SLC8A3: variants seen among roughly 807,000 people sequenced by gnomAD.
The protein encoded by SLC8A3 is solute carrier family 8 member A3.
A neutral mutation model predicts 65.4 loss-of-function variants in SLC8A3; 37 were observed. The observed-to-expected ratio is 0.57, with a 90% CI of 0.44 to 0.74. SLC8A3 has a LOEUF of 0.74. Among genes scored for constraint, SLC8A3 ranks in the 30% least tolerant of loss-of-function variants. The pLI is 0.00. For missense variants in SLC8A3, 1,112 were observed against 1,172.1 expected (o/e 0.95, Z 0.75); for synonymous variants, 461 against 444.5 (o/e 1.04, Z -0.47).
At chr14:70,127,638 C>T (rs1343264881) in intron 2 of SLC8A3, among the ~76,000 whole-genome samples, 1 of 152,128 alleles carries the variant, frequency 6.6e-6, no homozygotes, top group Non-Finnish European at 1.5e-5. Flanking sequence ...TGGATAGTAG[C>T]TGGTTTGTTG....
intron 1 of SLC8A3, among the ~76,000 whole-genome samples, chr14:70,179,627 T>G (rs8021780): frequency 0.66 from 100,006 of 152,008 alleles, 33,532 homozygotes; most frequent in South Asian, 0.72. Flanking sequence ...ACATAGTGTT[T>G]GGACAGAAGT....
At chr14:70,083,937 C>T (rs978431988) in intron 2 of SLC8A3, among the ~76,000 whole-genome samples, 1 of 152,166 alleles carries the variant, frequency 6.6e-6, no homozygotes, top group African/African-American at 2.4e-5. Context: ...AAGGGTATTA[C>T]AACACAGAAG....
At chr14:70,173,783 C>T (rs553919926) in intron 1 of SLC8A3, among the ~76,000 whole-genome samples, 106 of 152,240 alleles carry the variant, frequency 7.0e-4, no homozygotes, top group Admixed American at 5.1e-3. Flanking sequence ...CCTCTGCCTC[C>T]GGTGGGTGGA....
chr14:70,057,659 A>G (rs919683292), intron 3 of SLC8A3, among the ~76,000 whole-genome samples: 4 of 152,188 alleles, frequency 2.6e-5, no homozygotes, highest in Non-Finnish European at 5.9e-5. Flanking sequence ...TGACTGACAC[A>G]ATACCTCGAG....
chr14:70,063,961 G>A, intron 2 of SLC8A3: 2 of 1,228,328 alleles, frequency 1.6e-6, no homozygotes, highest in Non-Finnish European at 2.4e-6. Context: ...TCATAAGCAA[G>A]GAGTAGAGTG....
At chr14:70,183,115 G>A (rs1882898179) in intron 1 of SLC8A3, among the ~76,000 whole-genome samples, 1 of 152,222 alleles carries the variant, frequency 6.6e-6, no homozygotes, top group Admixed American at 6.5e-5. Flanking sequence ...CAGGAGCACA[G>A]CTTTTGGTCC....
chr14:70,163,434 T>C (rs1896992750), intron 2 of SLC8A3, among the ~76,000 whole-genome samples: 1 of 152,192 alleles, frequency 6.6e-6, no homozygotes, highest in African/African-American at 2.4e-5. Flanking sequence ...AGCACAGGCC[T>C]GGCCTCAACT....
At position 70,122,672 on chromosome 14, in the gene SLC8A3, AAAC is replaced by A. The variant is rs765136728; in HGVS notation, c.1784+43964_1784+43966del. Among the ~76,000 whole-genome samples the A allele has an allele frequency of 1.3e-3, 199 of 152,210 alleles. 1 individual carries two copies. The highest frequency in any genetic ancestry group is 2.2e-3 in the Non-Finnish European group (150 of 68,032). ...AAATGTAAACTAAGCAAAAACAAACAAACAACAACAACAAACAAACAAACAAAA... is the reference window on the plus strand; with the variant it reads ...AAATGTAAACTAAGCAAAAACAAACAAACAACAACAAACAAACAAACAAAA... On this transcript the variant is annotated intron_variant, in intron 2 of 6. Transcript: ENST00000356921.
intron 2 of SLC8A3, among the ~76,000 whole-genome samples, chr14:70,117,437 G>A (rs1893743962): frequency 6.6e-6 from 1 of 152,188 alleles, no homozygotes; most frequent in Non-Finnish European, 1.5e-5. Flanking sequence ...CAGGTATGGA[G>A]CCTTAGGGCT....
chr14:70,071,652 C>T (rs1245620510), intron 2 of SLC8A3, among the ~76,000 whole-genome samples: 2 of 152,292 alleles, frequency 1.3e-5, no homozygotes, highest in East Asian at 1.9e-4. Flanking sequence ...TGGCCAACAC[C>T]TTGATTTCAG....
chr14:70,059,167 C>T (rs1268148281), intron 3 of SLC8A3: 1 of 152,310 alleles, frequency 6.6e-6, no homozygotes, highest in Non-Finnish European at 1.5e-5. Flanking sequence ...CCTAGAGCAT[C>T]AGGTGTGTCC....
rs111842199 is a variant in SLC8A3 at position 70,075,186 on chromosome 14, A to C, written c.1785-14247T>G. The stretch of plus-strand genomic sequence containing the variant: ...GTGTGCGTGTGTGTTTAATATAACT[A>C]GGGCTTTTAGTTCACCCTCCAGAGC... On this transcript the variant is annotated intron_variant, in intron 2 of 6. Coordinates refer to ENST00000356921, the MANE Select transcript of SLC8A3 (RefSeq NM_182932.3). 8.2e-3 allele frequency among the ~76,000 whole-genome samples: 1,254 copies of C among 152,086 alleles called. 17 individuals are homozygous for C. The highest frequency in any genetic ancestry group is 0.03 in the African/African-American group (1,224 of 41,480).
chr14:70,058,463 G>T (rs1298838026), intron 3 of SLC8A3, among the ~76,000 whole-genome samples: 1 of 152,142 alleles, frequency 6.6e-6, no homozygotes, highest in Non-Finnish European at 1.5e-5. Flanking sequence ...TTTCTTCTTG[G>T]CACTCTTCAT....
intron 2 of SLC8A3, among the ~76,000 whole-genome samples, chr14:70,099,543 T>C (rs989073265): frequency 6.6e-6 from 1 of 152,168 alleles, no homozygotes; most frequent in East Asian, 1.9e-4. Context: ...GCCTGTCTCA[T>C]AGAGAATGAA....
intron 2 of SLC8A3, among the ~76,000 whole-genome samples, chr14:70,064,376 A>C (rs985555461): frequency 6.6e-6 from 1 of 152,164 alleles, no homozygotes; most frequent in Non-Finnish European, 1.5e-5. Context: ...CTTTTGAGAC[A>C]AGGGAAAATT....
At chr14:70,078,479 C>G (rs555230629) in intron 2 of SLC8A3, among the ~76,000 whole-genome samples, 10 of 152,270 alleles carry the variant, frequency 6.6e-5, no homozygotes, top group Admixed American at 2.6e-4. Flanking sequence ...ACAACATCCC[C>G]CATATTTGCT....
intron 1 of SLC8A3, among the ~76,000 whole-genome samples, chr14:70,176,300 ATCC>A (rs1454901293): frequency 2.0e-5 from 3 of 152,240 alleles, no homozygotes; most frequent in African/African-American, 7.2e-5. Context: ...CGTTTAAGTC[ATCC>A]TCCTGTTGGA....
chr14:70,079,895 G>A (rs1320936237), intron 2 of SLC8A3: 1 of 155,884 alleles, frequency 6.4e-6, no homozygotes, highest in Non-Finnish European at 1.4e-5. Context: ...AAACTCTGGG[G>A]CCATAGAAAC....
At chr14:70,109,308 TATACACATTATATATATAC>T (rs970138579) in intron 2 of SLC8A3, among the ~76,000 whole-genome samples, 8 of 148,726 alleles carry the variant, frequency 5.4e-5, no homozygotes, top group Admixed American at 4.7e-4. Flanking sequence ...TATGTATATA[TATACACATTATATATATAC>T]ACACACACAT....
Sources: allele counts gnomAD v4.1 joint callset (sites outside exome capture counted in the v4.1 genomes callset), GRCh38; gene constraint gnomAD v4.1.1; transcripts MANE v1.5; gene names NCBI Gene and HGNC (gene_info 2026-07-23, HGNC 2026-07-21).